ZNF737: variants seen among roughly 807,000 people sequenced by gnomAD.
ZNF737 encodes the protein zinc finger protein 102 (Y3).
ZNF737 carries 13 observed loss-of-function variants against 11.7 expected under a neutral mutation model. That is an observed-to-expected ratio of 1.11 (90% CI 0.73 to 1.77). The LOEUF (loss-of-function observed/expected upper bound fraction) is 1.77. ZNF737 is among the 40% of genes most tolerant of loss of function. The pLI is 0.00. For missense variants in ZNF737, 636 were observed against 638.0 expected, an observed-to-expected ratio of 1.00 and a Z score of 0.03; for synonymous variants, 217 against 216.2, an observed-to-expected ratio of 1.00 and a Z score of -0.03.
intron 3 of ZNF737, among the ~76,000 whole-genome samples, chr19:20,551,447 A>G (rs12973650): frequency 0.39 from 51,122 of 130,986 alleles, 10,234 homozygotes; most frequent in East Asian, 0.45. Flanking sequence ...AAAAAAAAAA[A>G]AAAGAAAGAA....
In ZNF737 at chr19:20,542,652, C is replaced by G; in HGVS notation, c.*1940G>C. ...TGTGTCACTATAATAAAGTATTGCT[C>G]TGAACATTTACGTTATACATTACTT... On this transcript the variant is annotated 3_prime_UTR_variant, in exon 4 of 4. Transcript: ENST00000427401. 1.0e-6 allele frequency: 1 copy of G among 981,258 alleles called. No individual in the cohort carries two copies. Among genetic ancestry groups the G allele is most frequent in the Admixed American group, 6.1e-5 (1 of 16,262 alleles). The allele number at this position is 981,258 out of a possible 1,614,324, so 60.8% of individuals were successfully genotyped here.
rs782664338 is a variant in ZNF737 at position 20,545,688 on chromosome 19, G to T, written c.515C>A (p.Pro172His). 2.8e-5 allele frequency: 45 copies of T among 1,613,396 alleles called. No homozygotes were observed. Among genetic ancestry groups the T allele is most frequent in the Non-Finnish European group, 3.7e-5 (44 of 1,179,672 alleles). Residue 172 changes from proline (P) to histidine (H), a missense_variant, in exon 4 of 4, where the codon CCT (proline) becomes CAT (histidine). Pro to His is a moderately conservative substitution (Grantham distance 77, BLOSUM62 -2). Coordinates refer to ENST00000427401, the MANE Select transcript of ZNF737 (RefSeq NM_001159293.2). The stretch of plus-strand genomic sequence containing the variant: ...TTTGCCACATTCTATACATTTGAAA[G>T]GTTTTTTTCCAGTATGTCTTATCTT... ...RHKIRHTGKKPFKCIECGKAF... is the reference protein window; with the variant it reads ...RHKIRHTGKKHFKCIECGKAF...
rs1968228440 is a variant in ZNF737, at chr19:20,542,054, C to CAT, written c.*2537_*2538insAT. ...CTCATTTGCAGTTTAAAGCCACTGA[C>CAT]AGTGATTACTAAAGATGTTATTTTA... On this transcript the variant is annotated 3_prime_UTR_variant, in exon 4 of 4. Coordinates refer to ENST00000427401, the MANE Select transcript of ZNF737 (RefSeq NM_001159293.2). 1.0e-6 allele frequency: 1 copy of CAT among 985,100 alleles called. No individual in the cohort carries two copies. Among genetic ancestry groups the CAT allele is most frequent in the South Asian group, 4.7e-5 (1 of 21,268 alleles). The allele number at this position is 985,100 out of a possible 1,614,324, so 61.0% of individuals were successfully genotyped here.
rs372991878 is a variant in ZNF737, at chr19:20,539,813, T to G, written c.*4779A>C. The G allele has an allele frequency of 1.4e-3, 1,376 of 978,314 alleles. 14 individuals carry two copies. In the African/African-American group the frequency reaches 0.023, roughly 16 times the overall value. 60.6% of individuals were successfully genotyped at this position (978,314 alleles called of 1,614,324 possible). ...TTCTGTAATAAATAGTGTAAACCTGTGTCACCAGAATGGTGCAGACATGCT... is the reference window on the plus strand; with the variant it reads ...TTCTGTAATAAATAGTGTAAACCTGGGTCACCAGAATGGTGCAGACATGCT... On this transcript the variant is annotated 3_prime_UTR_variant, in exon 4 of 4. Transcript: ENST00000427401.
chr19:20,540,488 C>T lies in ZNF737; in HGVS notation c.*4104G>A, dbSNP rs1236733942. Among the ~76,000 whole-genome samples the T allele has an allele frequency of 6.6e-6, 1 of 152,088 alleles. No individual in the cohort carries two copies. The highest frequency in any genetic ancestry group is 1.5e-5 in the Non-Finnish European group (1 of 68,010). On this transcript the variant is annotated 3_prime_UTR_variant, in exon 4 of 4. Coordinates refer to ENST00000427401, the MANE Select transcript of ZNF737 (RefSeq NM_001159293.2). ...GTTTAAAATCATCTTTTGCTGGGCA[C>T]GGTGGCTCATGATTCTAATACCAGC...
At chr19:20,536,137 C>A (rs189426666), downstream of ZNF737, 111 of 983,840 alleles carry the variant, frequency 1.1e-4, no homozygotes, top group African/African-American at 1.9e-3. Context: ...CACTTCTCTG[C>A]AATAAACAAA....
At chr19:20,559,435 C>T (rs1409578473) in intron 1 of ZNF737, among the ~76,000 whole-genome samples, 4 of 151,860 alleles carry the variant, frequency 2.6e-5, no homozygotes, top group Non-Finnish European at 4.4e-5. Context: ...AAATGCTCAT[C>T]GCTAATCACG....
chr19:20,531,655 A>T (rs1364245317), downstream of ZNF737, among the ~76,000 whole-genome samples: 2 of 149,712 alleles, frequency 1.3e-5, no homozygotes, highest in African/African-American at 4.9e-5. Flanking sequence ...ATAGGCTTTC[A>T]CTATGTTGGA....
rs182408908 is a variant in ZNF737 at position 20,562,811 on chromosome 19, T to C, written c.3+2827A>G. Among the ~76,000 whole-genome samples, 7 of 152,220 alleles carry C rather than the reference T, an allele frequency of 4.6e-5. No homozygotes were observed. In the East Asian group the frequency reaches 1.4e-3, roughly 30 times the overall value. ...TTAAGCTTATCTCCCTCCCTCAGGC[T>C]CCTGAACTTTGAGCTACCCTCAGTC... On this transcript the variant is annotated intron_variant, in intron 1 of 3. Coordinates refer to ENST00000427401, the MANE Select transcript of ZNF737 (RefSeq NM_001159293.2).
chr19:20,562,844 G>A (rs1462882322), intron 1 of ZNF737, among the ~76,000 whole-genome samples: 3 of 152,032 alleles, frequency 2.0e-5, no homozygotes, highest in African/African-American at 7.2e-5. Context: ...GTCTGAGTCA[G>A]CATACAACCC....
Position 20,544,172 on chromosome 19 carries a change from C to A in ZNF737, c.*420G>T. ...AACTTGTTATAGGATTTGCCACATT[C>A]CTCAAACTTGTAGGATTTTTGTCCA... On this transcript the variant is annotated 3_prime_UTR_variant, in exon 4 of 4. Transcript: ENST00000427401. 9.9e-7 allele frequency: 1 copy of A among 1,010,470 alleles called. No individual in the cohort carries two copies. Among genetic ancestry groups the A allele is most frequent in the Non-Finnish European group, 1.2e-6 (1 of 845,478 alleles). 62.6% of individuals were successfully genotyped at this position (1,010,470 alleles called of 1,614,324 possible).
chr19:20,553,794 CAG>C lies in ZNF737; in HGVS notation c.43_44del (p.Leu15GlyfsTer15), dbSNP rs1968784982. ...CAGTGTCCAGGCAATGCCACTCCTC[CAG>C]AGAGAATTCTATGGCCACGTCTCTA... ...QFRDVAIEFSLEEWHCLDTAQ... is the reference protein window; with the variant it reads ...QFRDVAIEFSXEEWHCLDTAQ... On this transcript the variant is annotated frameshift_variant, in exon 2 of 4. Coordinates refer to ENST00000427401, the MANE Select transcript of ZNF737 (RefSeq NM_001159293.2). LOFTEE classifies it high-confidence loss of function. 2 of 1,613,878 alleles carry C rather than the reference CAG, an allele frequency of 1.2e-6. No homozygotes were observed. The highest frequency in any genetic ancestry group is 1.7e-6 in the Non-Finnish European group (2 of 1,179,948).
chr19:20,555,825 C>CATTT (rs1968868159), intron 1 of ZNF737, among the ~76,000 whole-genome samples: 1 of 136,690 alleles, frequency 7.3e-6, no homozygotes, highest in South Asian at 2.6e-4. Flanking sequence ...TAAAGAAAAG[C>CATTT]CTTTTTTTTT....
chr19:20,550,848 C>T (rs1968635462), intron 3 of ZNF737, among the ~76,000 whole-genome samples: 1 of 152,226 alleles, frequency 6.6e-6, no homozygotes, highest in Admixed American at 6.5e-5. Flanking sequence ...GGCTCTCATT[C>T]ACGTGGGAAA....
At chr19:20,553,013 G>GAAAAA (rs34125607) in intron 2 of ZNF737, among the ~76,000 whole-genome samples, 1 of 134,126 alleles carries the variant, frequency 7.5e-6, no homozygotes, top group Non-Finnish European at 1.7e-5. Context: ...CTCTGTCCCC[G>GAAAAA]AAAAAAAAAA....
At chr19:20,564,794 AGCTCT>A (rs1969233306) in intron 1 of ZNF737, among the ~76,000 whole-genome samples, 1 of 150,682 alleles carries the variant, frequency 6.6e-6, no homozygotes, top group Non-Finnish European at 1.5e-5. Context: ...AGACTGAAGA[AGCTCT>A]AGTCCCTGGA....
chr19:20,535,672 T>A (rs1454179027), downstream of ZNF737, among the ~76,000 whole-genome samples: 2 of 151,788 alleles, frequency 1.3e-5, no homozygotes, highest in Non-Finnish European at 2.9e-5. Flanking sequence ...ATTACAGGCA[T>A]GTGCCACCAC....
chr19:20,539,820 A>G lies in ZNF737; in HGVS notation c.*4772T>C, dbSNP rs1968127469. 1 of 985,346 alleles carries G rather than the reference A, an allele frequency of 1.0e-6. No individual in the cohort carries two copies. The highest frequency in any genetic ancestry group is 1.7e-5 in the African/African-American group (1 of 57,252). The allele number at this position is 985,346 out of a possible 1,614,324, so 61.0% of individuals were successfully genotyped here. On this transcript the variant is annotated 3_prime_UTR_variant, in exon 4 of 4. Transcript: ENST00000427401. The stretch of plus-strand genomic sequence containing the variant: ...ATAAATAGTGTAAACCTGTGTCACC[A>G]GAATGGTGCAGACATGCTGATTGAA...
At chr19:20,560,744 C>T (rs1203899208) in intron 1 of ZNF737, among the ~76,000 whole-genome samples, 1 of 151,966 alleles carries the variant, frequency 6.6e-6, no homozygotes, top group African/African-American at 2.4e-5. Context: ...CACACCATTG[C>T]ACTCCAGCCT....
Sources: gnomAD v4.1 joint callset for allele counts (sites outside exome capture counted in the v4.1 genomes callset) on GRCh38, gnomAD v4.1.1 for gene constraint, MANE v1.5 for transcripts, NCBI Gene and HGNC (gene_info 2026-07-23, HGNC 2026-07-21) for gene names.